TUG1: variants seen among roughly 807,000 people sequenced by gnomAD.
The protein encoded by TUG1 is taurine upregulated gene 1.
exon 1 of TUG1, chr22:30,969,502 G>T (rs2041198304): frequency 1.3e-5 from 2 of 152,098 alleles, no homozygotes. Flanking sequence ...GCGCCCGGTG[G>T]CCGTTGGCGC....
chr22:30,977,546 A>C (rs1255574584), exon 3 of TUG1: 1 of 152,224 alleles, frequency 6.6e-6, no homozygotes, highest in African/African-American at 2.4e-5. Flanking sequence ...AACTGTATCC[A>C]GAATAAGCCC....
chr22:30,977,899 T>G (rs752262672), exon 3 of TUG1: 2 of 152,214 alleles, frequency 1.3e-5, no homozygotes, highest in Non-Finnish European at 2.9e-5. Context: ...GAAGATATTT[T>G]TAAGTGCAGA....
exon 1 of TUG1, chr22:30,970,119 A>T (rs975480514): frequency 1.3e-5 from 2 of 152,130 alleles, no homozygotes; most frequent in Non-Finnish European, 2.9e-5. Flanking sequence ...GGAACCTTGG[A>T]TTGGAGTTGG....
At chr22:30,974,953 A>G (rs139730297) in intron 2 of TUG1, 131 of 152,318 alleles carry the variant, frequency 8.6e-4, no homozygotes, top group African/African-American at 3.0e-3. Context: ...TCCTTAGGCA[A>G]AAACCCCAGT....
At chr22:30,969,919 T>C (rs969980050) in exon 1 of TUG1, 2 of 152,186 alleles carry the variant, frequency 1.3e-5, no homozygotes, top group Non-Finnish European at 1.5e-5. Context: ...GTTGGCGGAG[T>C]GACCTTAGGC....
exon 3 of TUG1, chr22:30,979,056 A>T (rs2041320377): frequency 6.6e-6 from 1 of 152,192 alleles, no homozygotes; most frequent in African/African-American, 2.4e-5. Flanking sequence ...AAGTAATAGA[A>T]AACCTAAATG....
exon 1 of TUG1, chr22:30,970,135 C>G (rs1262734419): frequency 6.6e-6 from 1 of 152,070 alleles, no homozygotes; most frequent in Non-Finnish European, 1.5e-5. Context: ...GTTGGGGATC[C>G]CCAAACTTCC....
chr22:30,975,429 T>C (rs2041277448), exon 3 of TUG1: 1 of 152,276 alleles, frequency 6.6e-6, no homozygotes. Flanking sequence ...CAGCAATATG[T>C]TTGACCTGAA....
At chr22:30,978,253 T>G (rs1471105457) in exon 3 of TUG1, 1 of 152,212 alleles carries the variant, frequency 6.6e-6, no homozygotes, top group African/African-American at 2.4e-5. Flanking sequence ...ATCCAACATA[T>G]GCTATTGGAC....
chr22:30,971,697 A>G (rs1347669024), exon 1 of TUG1: 1 of 153,164 alleles, frequency 6.5e-6, no homozygotes, highest in Non-Finnish European at 1.5e-5. Context: ...TACCACCAGC[A>G]CTGTTACTGG....
At chr22:30,969,623 C>G (rs1170521937) in exon 1 of TUG1, 1 of 152,384 alleles carries the variant, frequency 6.6e-6, no homozygotes, top group African/African-American at 2.4e-5. Context: ...TGCTCCGCCC[C>G]GCTCCGGGGG....
chr22:30,977,418 T>C (rs1294055791), exon 3 of TUG1: 5 of 152,120 alleles, frequency 3.3e-5, no homozygotes, highest in Non-Finnish European at 5.9e-5. Flanking sequence ...TAGCATAGAC[T>C]CCTAAACAGA....
At chr22:30,970,702 T>C (rs2041220228) in exon 1 of TUG1, 1 of 152,216 alleles carries the variant, frequency 6.6e-6, no homozygotes, top group Non-Finnish European at 1.5e-5. Context: ...GTGTGGTTGG[T>C]GGTGAATAGG....
chr22:30,974,339 A>G (rs2041264041), intron 2 of TUG1: 1 of 137,946 alleles, frequency 7.2e-6, no homozygotes, highest in East Asian at 2.4e-4. Flanking sequence ...GCTTAAATTC[A>G]GAAGTCTGAA....
intron 1 of TUG1, chr22:30,972,641 C>T (rs191288964): frequency 1.3e-5 from 2 of 152,726 alleles, no homozygotes; most frequent in East Asian, 3.9e-4. Context: ...CGAGACAGTT[C>T]CCACAAATCG....
At chr22:30,973,380 A>G (rs895039685) in exon 2 of TUG1, 1 of 152,328 alleles carries the variant, frequency 6.6e-6, no homozygotes, top group Middle Eastern at 3.4e-3. Flanking sequence ...CAAATCCTGT[A>G]GTAGCCTACT....
exon 1 of TUG1, chr22:30,969,850 G>A (rs901478150): frequency 1.3e-5 from 2 of 152,290 alleles, no homozygotes; most frequent in African/African-American, 4.8e-5. Flanking sequence ...GCAGCCCCGG[G>A]GTGGGGAGAC....
intron 2 of TUG1, chr22:30,974,763 T>C (rs1295172722): frequency 6.6e-6 from 1 of 152,158 alleles, no homozygotes; most frequent in Middle Eastern, 3.2e-3. Context: ...ATCCCTAGAA[T>C]TGTATCATAA....
chr22:30,976,663 A>G (rs1037652434), exon 3 of TUG1: 3 of 152,228 alleles, frequency 2.0e-5, no homozygotes, highest in Non-Finnish European at 4.4e-5. Flanking sequence ...TCAGTTTATG[A>G]ACTCTCAGAC....
Sources: allele counts gnomAD v4.1 joint callset, GRCh38; gene constraint gnomAD v4.1.1; transcripts MANE v1.5; gene names NCBI Gene and HGNC (gene_info 2026-07-23, HGNC 2026-07-21).